DRC4: variants seen among roughly 807,000 people sequenced by gnomAD.
DRC4 encodes GAS-11.
At chr16:90,027,617 C>A in the DRC4 span, 1 of 1,612,816 alleles carries the variant, frequency 6.2e-7, no homozygotes, top group Non-Finnish European at 8.5e-7. Flanking sequence ...TCTCTCTTAC[C>A]CCATTATTTC....
chr16:90,020,169 A>G, the DRC4 span: 2 of 524,956 alleles, frequency 3.8e-6, no homozygotes, highest in African/African-American at 2.0e-5. Context: ...AAGTACTTCA[A>G]TATTTATCTC....
chr16:90,033,995 G>C, the DRC4 span, among the ~76,000 whole-genome samples: 1 of 151,926 alleles, frequency 6.6e-6, no homozygotes, highest in Non-Finnish European at 1.5e-5. Context: ...GTGGGGACTG[G>C]AGACGGGTCA....
chr16:90,035,200 G>A, the DRC4 span, among the ~76,000 whole-genome samples: 3 of 152,122 alleles, frequency 2.0e-5, no homozygotes, highest in Admixed American at 6.5e-5. Flanking sequence ...ACTGTGCCCG[G>A]CAATCTTTAA....
At chr16:90,036,246 T>TCTTGCAGA in the DRC4 span, 2 of 753,638 alleles carry the variant, frequency 2.7e-6, no homozygotes, top group African/African-American at 3.5e-5. Context: ...TTTGTTCTTC[T>TCTTGCAGA]CTTGCAGAGC....
chr16:90,031,238 G>A, the DRC4 span: 27 of 1,603,514 alleles, frequency 1.7e-5, no homozygotes, highest in South Asian at 1.7e-4. Flanking sequence ...CCGGCCACAC[G>A]CCCCGTTGCC....
At chr16:90,029,450 G>A in the DRC4 span, 1 of 650,890 alleles carries the variant, frequency 1.5e-6, no homozygotes, top group Non-Finnish European at 2.3e-6. Flanking sequence ...TGAATATTGA[G>A]TGATGGCAAA....
At chr16:90,036,805 C>T in the DRC4 span, 198 of 677,982 alleles carry the variant, frequency 2.9e-4, no homozygotes, top group Non-Finnish European at 4.0e-4. Context: ...TTGCCCTCAC[C>T]GTAGTGCAGA....
At chr16:90,027,768 G>C in the DRC4 span, 1 of 1,553,164 alleles carries the variant, frequency 6.4e-7, no homozygotes, top group South Asian at 1.1e-5. Flanking sequence ...GGCGTGGGCG[G>C]GCACCACGCA....
At chr16:90,022,596 C>A in the DRC4 span, 1 of 1,116,716 alleles carries the variant, frequency 9.0e-7, no homozygotes, top group Non-Finnish European at 1.2e-6. Flanking sequence ...GGCCGCTGCC[C>A]GGCGGAGTCT....
the DRC4 span, chr16:90,022,730 C>T: frequency 1.2e-4 from 163 of 1,415,690 alleles, 1 homozygote; most frequent in Middle Eastern, 7.7e-4. Context: ...TCATGGTGAG[C>T]AGGGGCGGGA....
chr16:90,039,762 T>G, the DRC4 span: 1 of 173,242 alleles, frequency 5.8e-6, no homozygotes, highest in Non-Finnish European at 1.3e-5. Flanking sequence ...GTAGAAGAAT[T>G]AGGAGATAAA....
the DRC4 span, chr16:90,020,022 C>G: frequency 1.4e-6 from 1 of 697,096 alleles, no homozygotes; most frequent in Non-Finnish European, 2.6e-6. Flanking sequence ...ATGAAACTGA[C>G]CCCCATGTCC....
the DRC4 span, among the ~76,000 whole-genome samples, chr16:90,039,393 A>G: frequency 1.3e-5 from 2 of 149,936 alleles, no homozygotes; most frequent in Non-Finnish European, 3.0e-5. Context: ...TTATTTATTT[A>G]TTTATTTTTG....
the DRC4 span, chr16:90,029,443 A>T: frequency 1.4e-6 from 1 of 700,628 alleles, no homozygotes; most frequent in Admixed American, 3.3e-5. Context: ...AGAAATCTGA[A>T]TATTGAGTGA....
At chr16:90,032,961 G>A in the DRC4 span, 12 of 1,579,026 alleles carry the variant, frequency 7.6e-6, no homozygotes, top group Non-Finnish European at 1.0e-5. Context: ...CTGACAGGTT[G>A]TTGGGACGGC....
At chr16:90,034,805 C>T in the DRC4 span, among the ~76,000 whole-genome samples, 1 of 151,426 alleles carries the variant, frequency 6.6e-6, no homozygotes, top group Non-Finnish European at 1.5e-5. Context: ...CTCACTGCAG[C>T]CTCGAACTTC....
chr16:90,040,755 G>A, the DRC4 span, among the ~76,000 whole-genome samples: 1 of 151,530 alleles, frequency 6.6e-6, no homozygotes. Context: ...GGCTGGTTGG[G>A]GCCAGCACAG....
At chr16:90,037,610 G>T in the DRC4 span, 14 of 951,142 alleles carry the variant, frequency 1.5e-5, no homozygotes, top group Admixed American at 1.4e-4. Context: ...ACGTGCTACC[G>T]GCCGGCCTTG....
chr16:90,043,129 T>C, the DRC4 span: 2 of 1,525,180 alleles, frequency 1.3e-6, no homozygotes, highest in South Asian at 1.2e-5. Context: ...TCCATGGAGC[T>C]GCACTCAGCT....
Sources: allele counts gnomAD v4.1 joint callset (sites outside exome capture counted in the v4.1 genomes callset), GRCh38; gene constraint gnomAD v4.1.1; transcripts MANE v1.5; gene names NCBI Gene and HGNC (gene_info 2026-07-23, HGNC 2026-07-21).